Variants in NKAIN3 observed in about 807,000 individuals in gnomAD.
NKAIN3 encodes sodium/potassium transporting ATPase interacting 3.
In NKAIN3, 25 loss-of-function variants were observed where a neutral mutation model predicts 30.2. The ratio of observed to expected loss-of-function variants is 0.83; its 90% CI spans 0.60 to 1.16. The LOEUF is 1.16. Among genes scored for constraint, NKAIN3 ranks in the 50% most tolerant of loss-of-function variants. The probability of loss-of-function intolerance (pLI) is 0.00; values close to 1 mark genes in which losing one functional copy is unlikely to be tolerated. For synonymous variants in NKAIN3, 91 were observed against 89.6 expected (o/e 1.02, Z -0.09); for missense variants, 225 against 254.1 (o/e 0.89, Z 0.78).
chr8:62,803,550 T>C (rs927641687), intron 4 of NKAIN3, among the ~76,000 whole-genome samples: 33 of 152,202 alleles, frequency 2.2e-4, no homozygotes, highest in African/African-American at 6.0e-4. Context: ...GAAATAAAGA[T>C]GTTCTTTGAA....
intron 1 of NKAIN3, among the ~76,000 whole-genome samples, chr8:62,297,490 AC>A (rs1199253285): frequency 1.3e-5 from 2 of 151,858 alleles, no homozygotes; most frequent in Admixed American, 6.6e-5. Context: ...AAAACAAACA[AC>A]CCCATCAAAA....
exon 6 of NKAIN3, chr8:62,999,405 AACTC>A (rs1804202922): frequency 6.6e-6 from 1 of 152,196 alleles, no homozygotes; most frequent in Non-Finnish European, 1.5e-5. Context: ...ATAGAGTGAG[AACTC>A]ACTCATTTCT....
chr8:62,403,969 CA>C (rs1243708536), intron 1 of NKAIN3, among the ~76,000 whole-genome samples: 3 of 152,236 alleles, frequency 2.0e-5, no homozygotes, highest in African/African-American at 7.2e-5. Flanking sequence ...CAGAGCTGCC[CA>C]AGGCCATGGG....
chr8:62,675,864 T>C lies in NKAIN3; in HGVS notation c.274-71068T>C, dbSNP rs751501323. ...CCTTCTAGTATGGACCTTGTTATTT[T>C]GAGTTTGCTTTTAAATTAGAAAAGG... On this transcript the variant is annotated intron_variant, in intron 3 of 6. Transcript: ENST00000623646. Among the ~76,000 whole-genome samples, 4 of 152,330 alleles carry C rather than the reference T, an allele frequency of 2.6e-5. No homozygotes were observed. In the South Asian group the frequency reaches 6.2e-4, roughly 24 times the overall value.
chr8:62,574,453 A>C (rs9650207), intron 1 of NKAIN3, among the ~76,000 whole-genome samples: 69,892 of 151,844 alleles, frequency 0.46, 18,007 homozygotes, highest in Non-Finnish European at 0.59. Flanking sequence ...TAGTTTTTTG[A>C]ATTTATTTTA....
rs10111018 is a variant in NKAIN3, at chr8:62,878,576, T to C, written c.472-39877T>C. Among the ~76,000 whole-genome samples the C allele has an allele frequency of 9.7e-3, 1,471 of 152,160 alleles. 26 individuals carry two copies. Among genetic ancestry groups the C allele is most frequent in the African/African-American group, 0.034 (1,420 of 41,486 alleles). On this transcript the variant is annotated intron_variant, in intron 4 of 6. Transcript: ENST00000623646. ...ATGTGCAACGTGCAGGTTTGTTACA[T>C]GTGTATACATGTGCCATGTTGGTGT...
intron 1 of NKAIN3, among the ~76,000 whole-genome samples, chr8:62,323,215 A>G (rs1056909183): frequency 6.6e-6 from 1 of 152,190 alleles, no homozygotes; most frequent in African/African-American, 2.4e-5. Context: ...ATAGTCACAC[A>G]ATAACCTACA....
chr8:62,649,137 A>G (rs1444232666), intron 3 of NKAIN3, among the ~76,000 whole-genome samples: 2 of 152,230 alleles, frequency 1.3e-5, no homozygotes, highest in East Asian at 1.9e-4. Flanking sequence ...AGAAAAAAGC[A>G]TATTTCAAAA....
In NKAIN3 at chr8:62,407,320, A is replaced by G. The variant is rs868821927; in HGVS notation, c.54+158193A>G. Among the ~76,000 whole-genome samples the G allele has an allele frequency of 3.1e-4, 47 of 150,524 alleles. 1 individual carries two copies. The highest frequency in any genetic ancestry group is 7.1e-3 in the Middle Eastern group (2 of 280). ...ATATATACTTGCATGCTTTTTTTCT[A>G]TCTTTTAGGATCATGGTATATAGAG... On this transcript the variant is annotated intron_variant, in intron 1 of 6. Coordinates refer to ENST00000623646, the MANE Select transcript of NKAIN3 (RefSeq NM_001304533.3).
chr8:62,634,459 A>G (rs1195542711), intron 3 of NKAIN3, among the ~76,000 whole-genome samples: 2 of 152,304 alleles, frequency 1.3e-5, no homozygotes, highest in Admixed American at 6.5e-5. Context: ...GCAACAACCA[A>G]TTAAAGGCTT....
chr8:62,778,428 A>G (rs1223376175), intron 4 of NKAIN3, among the ~76,000 whole-genome samples: 2 of 152,010 alleles, frequency 1.3e-5, no homozygotes, highest in Non-Finnish European at 2.9e-5. Flanking sequence ...CAAAGTTCTT[A>G]CCATTCTTCT....
chr8:62,610,082 A>G (rs537206499), intron 3 of NKAIN3, among the ~76,000 whole-genome samples: 1 of 152,262 alleles, frequency 6.6e-6, no homozygotes, highest in Non-Finnish European at 1.5e-5. Context: ...GCAGTGGCTC[A>G]TGCCTATAAT....
chr8:62,756,335 T>C (rs1192803927), intron 4 of NKAIN3, among the ~76,000 whole-genome samples: 1 of 152,194 alleles, frequency 6.6e-6, no homozygotes, highest in Admixed American at 6.5e-5. Context: ...AAATGTGGTC[T>C]TTCGTGTTTG....
At chr8:62,812,937 G>A (rs779575460) in intron 4 of NKAIN3, among the ~76,000 whole-genome samples, 2 of 151,846 alleles carry the variant, frequency 1.3e-5, no homozygotes, top group South Asian at 2.1e-4. Flanking sequence ...ATCAGTTTCT[G>A]TGTTTGTTAT....
chr8:62,676,353 G>T (rs1266477321), intron 3 of NKAIN3, among the ~76,000 whole-genome samples: 1 of 152,188 alleles, frequency 6.6e-6, no homozygotes, highest in Non-Finnish European at 1.5e-5. Context: ...TGGATCACGA[G>T]GTTAGGAGGT....
intron 3 of NKAIN3, among the ~76,000 whole-genome samples, chr8:62,609,861 G>C (rs181145303): frequency 6.6e-6 from 1 of 152,174 alleles, no homozygotes; most frequent in African/African-American, 2.4e-5. Context: ...GAGGAGAGCC[G>C]AAGAAAGAGC....
intron 4 of NKAIN3, among the ~76,000 whole-genome samples, chr8:62,898,852 G>C (rs1821516774): frequency 6.6e-6 from 1 of 151,814 alleles, no homozygotes; most frequent in African/African-American, 2.4e-5. Context: ...GTACTAACTA[G>C]AATATATAAG....
chr8:62,439,234 C>T (rs1052971360), intron 1 of NKAIN3, among the ~76,000 whole-genome samples: 1 of 152,146 alleles, frequency 6.6e-6, no homozygotes, highest in African/African-American at 2.4e-5. Context: ...AGCCTGAGTC[C>T]TCTGGATTAG....
At chr8:62,590,357 A>G (rs936638278) in intron 3 of NKAIN3, among the ~76,000 whole-genome samples, 2 of 151,880 alleles carry the variant, frequency 1.3e-5, no homozygotes, top group African/African-American at 2.4e-5. Context: ...TAATGCAGCA[A>G]TGATACACAC....
Sources: gnomAD v4.1 joint callset for allele counts (sites outside exome capture counted in the v4.1 genomes callset) on GRCh38, gnomAD v4.1.1 for gene constraint, MANE v1.5 for transcripts, NCBI Gene and HGNC (gene_info 2026-07-23, HGNC 2026-07-21) for gene names.